Variants in PACS1 observed in about 807,000 individuals in gnomAD.
The protein encoded by PACS1 is PACS-1.
PACS1 carries 24 observed loss-of-function variants against 115.0 expected under a neutral mutation model. The ratio of observed to expected loss-of-function variants is 0.21; its 90% CI spans 0.15 to 0.29. The LOEUF (loss-of-function observed/expected upper bound fraction) is 0.29. Among genes scored for constraint, PACS1 ranks in the 10% least tolerant of loss-of-function variants. The probability of loss-of-function intolerance (pLI) is 1.00; values close to 1 mark genes in which losing one functional copy is unlikely to be tolerated. For synonymous variants in PACS1, 453 were observed against 504.5 expected (o/e 0.90, Z 1.37); for missense variants, 838 against 1,251.2 (o/e 0.67, Z 4.98).
chr11:66,220,815 G>A (rs750666407), intron 9 of PACS1, 24 bp downstream of exon 9: 7 of 1,609,664 alleles, frequency 4.3e-6, no homozygotes, highest in African/African-American at 1.3e-5. Flanking sequence ...TCTGTAGCTG[G>A]CCTCCAGACT....
chr11:66,156,227 TATATATATATATATATATA>T (rs1859353262), intron 1 of PACS1, among the ~76,000 whole-genome samples: 1 of 85,384 alleles, frequency 1.2e-5, no homozygotes, highest in Non-Finnish European at 2.2e-5. Flanking sequence ...TATATATATA[TATATATATATATATATATA>T]TATATATAGT....
intron 1 of PACS1, among the ~76,000 whole-genome samples, chr11:66,134,178 C>T (rs937852396): frequency 6.6e-6 from 1 of 151,758 alleles, no homozygotes; most frequent in Admixed American, 6.6e-5. Flanking sequence ...TGTGCTGCTG[C>T]CCTCGACTGT....
intron 2 of PACS1, among the ~76,000 whole-genome samples, chr11:66,208,232 C>T (rs943009742): frequency 7.9e-5 from 12 of 152,174 alleles, no homozygotes; most frequent in Admixed American, 7.2e-4. Context: ...GTCAGCACCG[C>T]GGCATAGTAC....
intron 2 of PACS1, among the ~76,000 whole-genome samples, chr11:66,203,092 G>A (rs1006964107): frequency 1.3e-5 from 2 of 152,062 alleles, no homozygotes; most frequent in African/African-American, 4.8e-5. Flanking sequence ...CAAATGATAT[G>A]CTCTTCTATG....
At chr11:66,101,170 CA>C (rs1377985949) in intron 1 of PACS1, among the ~76,000 whole-genome samples, 1 of 152,164 alleles carries the variant, frequency 6.6e-6, no homozygotes, top group African/African-American at 2.4e-5. Flanking sequence ...TGCATTCGTT[CA>C]GTATTTTTAA....
At chr11:66,220,228 T>C (rs1484411627) in intron 8 of PACS1, 2 of 285,730 alleles carry the variant, frequency 7.0e-6, no homozygotes. Context: ...AAGCAGTCTT[T>C]TCCCTGGGCT....
intron 1 of PACS1, among the ~76,000 whole-genome samples, chr11:66,154,735 TCATAAA>T (rs1450741738): frequency 7.2e-5 from 11 of 152,162 alleles, no homozygotes; most frequent in Non-Finnish European, 1.6e-4. Context: ...AATCTCAGTA[TCATAAA>T]CATAATCAAT....
intron 1 of PACS1, among the ~76,000 whole-genome samples, chr11:66,135,374 C>T (rs993988118): frequency 1.3e-5 from 2 of 152,176 alleles, no homozygotes; most frequent in Non-Finnish European, 2.9e-5. Flanking sequence ...TGGTTGCCAT[C>T]TTCACGAGCT....
At chr11:66,220,418 G>A (rs552374718) in intron 8 of PACS1, 3 of 566,282 alleles carry the variant, frequency 5.3e-6, no homozygotes, top group East Asian at 3.0e-5. Context: ...ACAGTGTGGA[G>A]CGGTGGCAGG....
rs201219981 is a variant in PACS1 at position 66,233,766 on chromosome 11, C to T, written c.1839-19C>T. Reference sequence around the variant, plus strand: ...CTGGCACCCCTGAGCACTGCTATGACGCTCCCCTTCCTCCCCAGCTGCAAC... The same window carrying T: ...CTGGCACCCCTGAGCACTGCTATGATGCTCCCCTTCCTCCCCAGCTGCAAC... On this transcript the variant is annotated intron_variant, in intron 15 of 23. Coordinates refer to ENST00000320580, the MANE Select transcript of PACS1 (RefSeq NM_018026.4). This position sits in a 1 kb window ranked among gnomAD's most constrained non-coding sequence, Gnocchi z 4.5. 2.2e-4 allele frequency: 348 copies of T among 1,609,624 alleles called. 2 individuals are homozygous for T. The highest frequency in any genetic ancestry group is 6.6e-4 in the Middle Eastern group (4 of 6,046).
intron 1 of PACS1, among the ~76,000 whole-genome samples, chr11:66,138,839 C>T (rs745308681): frequency 3.9e-5 from 6 of 151,996 alleles, no homozygotes; most frequent in Non-Finnish European, 7.4e-5. Context: ...TGCGCCACCA[C>T]GCCCAGCTAA....
At chr11:66,085,430 A>C (rs1418641033) in intron 1 of PACS1, among the ~76,000 whole-genome samples, 2 of 152,002 alleles carry the variant, frequency 1.3e-5, no homozygotes, top group Non-Finnish European at 2.9e-5. Context: ...TGCAGTTTGA[A>C]CTCCTATTTC....
At chr11:66,165,020 C>T (rs1859571900) in intron 1 of PACS1, among the ~76,000 whole-genome samples, 1 of 152,136 alleles carries the variant, frequency 6.6e-6, no homozygotes, top group South Asian at 2.1e-4. Flanking sequence ...ACAGCATGCC[C>T]TTTATTGCAG....
intron 1 of PACS1, among the ~76,000 whole-genome samples, chr11:66,179,814 T>A (rs1859958616): frequency 6.6e-6 from 1 of 152,210 alleles, no homozygotes; most frequent in African/African-American, 2.4e-5. Flanking sequence ...TGAATTCTGT[T>A]CAGCCTGTTC....
chr11:66,096,366 C>T (rs1391373847), intron 1 of PACS1, among the ~76,000 whole-genome samples: 1 of 151,830 alleles, frequency 6.6e-6, no homozygotes, highest in Non-Finnish European at 1.5e-5. Context: ...TGAGCCACTG[C>T]GCCCAGCTAG....
intron 8 of PACS1, among the ~76,000 whole-genome samples, chr11:66,220,044 G>C (rs1004909394): frequency 6.6e-6 from 1 of 152,108 alleles, no homozygotes; most frequent in African/African-American, 2.4e-5. Flanking sequence ...CCGACCCTTG[G>C]TGATGCGCAA....
intron 1 of PACS1, among the ~76,000 whole-genome samples, chr11:66,076,396 G>T (rs1408055039): frequency 6.6e-6 from 1 of 152,064 alleles, no homozygotes; most frequent in African/African-American, 2.4e-5. Flanking sequence ...TGTCCAGTTT[G>T]GACTTGGACT....
intron 1 of PACS1, among the ~76,000 whole-genome samples, chr11:66,107,621 G>A (rs958511195): frequency 6.6e-6 from 1 of 152,168 alleles, no homozygotes; most frequent in African/African-American, 2.4e-5. Flanking sequence ...TTCACCCTCT[G>A]CTTGGAATTC....
chr11:66,124,719 G>A (rs1332009815), intron 1 of PACS1, among the ~76,000 whole-genome samples: 1 of 152,208 alleles, frequency 6.6e-6, no homozygotes, highest in African/African-American at 2.4e-5. Flanking sequence ...GTCAGTGTGT[G>A]TCATCAGTTA....
Sources: gnomAD v4.1 joint callset for allele counts (sites outside exome capture counted in the v4.1 genomes callset) on GRCh38, gnomAD v4.1.1 for gene constraint, Gnocchi (gnomAD v3.1) non-coding constraint, MANE v1.5 for transcripts, NCBI Gene and HGNC (gene_info 2026-07-23, HGNC 2026-07-21) for gene names.